The following SOX6 variants were observed in gnomAD, a reference collection of about 807,000 sequenced individuals.
SOX6 encodes the protein SRY-box transcription factor 6.
Under a neutral mutation model 97.8 loss-of-function variants are expected in SOX6, and 11 were observed. That is an observed-to-expected ratio of 0.11 (90% CI 0.07 to 0.19). The LOEUF (loss-of-function observed/expected upper bound fraction) is 0.19, where lower values mean the gene tolerates loss of function less well. SOX6 is among the 10% of genes least tolerant of loss of function. The pLI is 1.00. For synonymous variants in SOX6, 360 were observed against 371.4 expected (o/e 0.97, Z 0.35); for missense variants, 810 against 1,039.5 (o/e 0.78, Z 3.04).
intron 6 of SOX6, among the ~76,000 whole-genome samples, chr11:16,127,198 A>G (rs1052635621): frequency 6.6e-6 from 1 of 151,384 alleles, no homozygotes; most frequent in Non-Finnish European, 1.5e-5. Context: ...TATAAAATAA[A>G]TATTAATGGG....
At chr11:16,368,401 G>T (rs1423377750) in intron 1 of SOX6, among the ~76,000 whole-genome samples, 1 of 152,104 alleles carries the variant, frequency 6.6e-6, no homozygotes, top group East Asian at 1.9e-4. Flanking sequence ...TGAATCATTT[G>T]TGCCCAGGAG....
intron 13 of SOX6, among the ~76,000 whole-genome samples, chr11:15,999,598 C>CT (rs1014840857): frequency 9.2e-5 from 14 of 151,880 alleles, no homozygotes; most frequent in Non-Finnish European, 1.3e-4. Context: ...ATAAAATGCT[C>CT]TTTTTTTTGA....
intron 4 of SOX6, among the ~76,000 whole-genome samples, chr11:16,521,743 C>A (rs1327238365): frequency 6.6e-6 from 1 of 151,938 alleles, no homozygotes; most frequent in Non-Finnish European, 1.5e-5. Flanking sequence ...AAAATTTAGA[C>A]GAATGTATAA....
At chr11:16,582,261 A>AATCT (rs1476263672) in intron 4 of SOX6, among the ~76,000 whole-genome samples, 1 of 152,186 alleles carries the variant, frequency 6.6e-6, no homozygotes, top group Non-Finnish European at 1.5e-5. Context: ...AGCATCACAC[A>AATCT]ATCTATCTTC....
chr11:16,048,460 C>T (rs1336150575), intron 11 of SOX6, among the ~76,000 whole-genome samples: 2 of 152,054 alleles, frequency 1.3e-5, no homozygotes, highest in Non-Finnish European at 2.9e-5. Flanking sequence ...TGTGAGTTTA[C>T]AAAAAGAACA....
At chr11:16,430,320 T>C (rs1466445627) in intron 1 of SOX6, among the ~76,000 whole-genome samples, 2 of 152,216 alleles carry the variant, frequency 1.3e-5, no homozygotes, top group Non-Finnish European at 2.9e-5. Flanking sequence ...ATATAATCCA[T>C]GTTTATTTGG....
intron 4 of SOX6, among the ~76,000 whole-genome samples, chr11:16,562,230 G>C (rs1238636071): frequency 6.6e-6 from 1 of 152,110 alleles, no homozygotes; most frequent in African/African-American, 2.4e-5. Context: ...CCTGGACACT[G>C]TATATAAGAC....
At chr11:16,255,862 G>A (rs186626342) in intron 3 of SOX6, among the ~76,000 whole-genome samples, 7 of 149,714 alleles carry the variant, frequency 4.7e-5, no homozygotes, top group Admixed American at 1.3e-4. Context: ...AAGAGACGAC[G>A]CAAATTGGTA....
At chr11:16,261,288 T>A (rs1853886102) in intron 3 of SOX6, among the ~76,000 whole-genome samples, 1 of 152,134 alleles carries the variant, frequency 6.6e-6, no homozygotes, top group African/African-American at 2.4e-5. Flanking sequence ...AAATAAATGA[T>A]CAGAAGATTT....
intron 4 of SOX6, among the ~76,000 whole-genome samples, chr11:16,218,172 C>A (rs996966694): frequency 6.6e-6 from 1 of 152,032 alleles, no homozygotes; most frequent in Non-Finnish European, 1.5e-5. Flanking sequence ...AACTGATGTG[C>A]CTTTTTAAAT....
chr11:16,664,947 G>A (rs1403449100), intron 3 of SOX6, among the ~76,000 whole-genome samples: 2 of 151,864 alleles, frequency 1.3e-5, no homozygotes, highest in Admixed American at 6.6e-5. Context: ...CACACCTTGG[G>A]CCAGAAGGGA....
intron 1 of SOX6, among the ~76,000 whole-genome samples, chr11:16,443,332 A>G (rs1859545483): frequency 6.6e-6 from 1 of 152,200 alleles, no homozygotes; most frequent in African/African-American, 2.4e-5. Flanking sequence ...ATTCACATTT[A>G]CATCTCAAAC....
At chr11:15,973,153 A>G (rs913648092) in intron 15 of SOX6, 41 bp from the exon 16 acceptor site, 2 of 1,596,762 alleles carry the variant, frequency 1.3e-6, no homozygotes, top group Admixed American at 1.7e-5. Flanking sequence ...AGGGAGAAAT[A>G]TCTATATATG....
At chr11:16,130,498 A>G (rs1400330012) in intron 6 of SOX6, among the ~76,000 whole-genome samples, 1 of 151,984 alleles carries the variant, frequency 6.6e-6, no homozygotes, top group Non-Finnish European at 1.5e-5. Context: ...GAAAATTTTG[A>G]AACACTAAAA....
chr11:16,498,522 TAA>T (rs576487007), intron 4 of SOX6, among the ~76,000 whole-genome samples: 2 of 151,852 alleles, frequency 1.3e-5, no homozygotes, highest in Non-Finnish European at 2.9e-5. Flanking sequence ...GCAAATTGGA[TAA>T]AGAGTCAAGA....
At chr11:16,429,006 C>A (rs1859215960) in intron 1 of SOX6, among the ~76,000 whole-genome samples, 1 of 151,834 alleles carries the variant, frequency 6.6e-6, no homozygotes, top group African/African-American at 2.4e-5. Flanking sequence ...TTTCATTGAG[C>A]AGTGGTTCTC....
chr11:16,642,050 G>T (rs1436950283), intron 3 of SOX6, among the ~76,000 whole-genome samples: 2 of 152,200 alleles, frequency 1.3e-5, no homozygotes, highest in South Asian at 4.1e-4. Flanking sequence ...GGTACTGGTT[G>T]TTCCTTTCCA....
At chr11:16,727,558 T>C (rs1590066554) in intron 2 of SOX6, among the ~76,000 whole-genome samples, 2 of 151,766 alleles carry the variant, frequency 1.3e-5, no homozygotes, top group African/African-American at 2.4e-5. Flanking sequence ...GCCTCCTGAG[T>C]AGCTGGGATT....
intron 3 of SOX6, chr11:16,311,676 AC>A (rs1011604308): frequency 8.6e-5 from 13 of 151,860 alleles, no homozygotes; most frequent in Non-Finnish European, 1.3e-4. Flanking sequence ...AACACAGGCA[AC>A]CTAGCTCCAG....
Sources: allele counts gnomAD v4.1 joint callset (sites outside exome capture counted in the v4.1 genomes callset), GRCh38; gene constraint gnomAD v4.1.1; transcripts MANE v1.5; gene names NCBI Gene and HGNC (gene_info 2026-07-23, HGNC 2026-07-21).